Variants in GCNT2 observed in about 807,000 individuals in gnomAD.
GCNT2 encodes the protein glucosaminyl (N-acetyl) transferase 2 (I blood group).
GCNT2 carries 34 observed loss-of-function variants against 34.2 expected under a neutral mutation model. The observed-to-expected ratio is 1.00, with a 90% confidence interval of 0.76 to 1.32. GCNT2 has a LOEUF of 1.32. Among genes scored for constraint, GCNT2 ranks in the 40% most tolerant of loss-of-function variants. The probability of loss-of-function intolerance (pLI) is 0.00; values close to 1 mark genes in which losing one functional copy is unlikely to be tolerated. For synonymous variants in GCNT2, 212 were observed against 188.0 expected (o/e 1.13, Z -1.04); for missense variants, 584 against 489.4 (o/e 1.19, Z -1.82).
In GCNT2 at chr6:10,607,511, G is replaced by A. The variant is rs139074371; in HGVS notation, c.926-13840G>A. Among the ~76,000 whole-genome samples the A allele has an allele frequency of 6.6e-5, 10 of 152,090 alleles. 1 individual carries two copies. In the South Asian group the frequency reaches 8.3e-4, roughly 13 times the overall value. On this transcript the variant is annotated intron_variant, in intron 3 of 4. Coordinates refer to ENST00000495262, the MANE Select transcript of GCNT2 (RefSeq NM_145649.5). ...CTCCCACCCAGACCCCAGCTCCAAC[G>A]CTGAGGATTACAATTCAACATGAGA...
chr6:10,579,787 G>C (rs1483156990), intron 3 of GCNT2, among the ~76,000 whole-genome samples: 2 of 138,010 alleles, frequency 1.4e-5, no homozygotes, highest in African/African-American at 5.2e-5. Flanking sequence ...CTGCGCTCCA[G>C]CCTGGGCCAC....
intron 3 of GCNT2, among the ~76,000 whole-genome samples, chr6:10,542,809 C>G (rs1180530965): frequency 6.6e-6 from 1 of 150,882 alleles, no homozygotes; most frequent in Non-Finnish European, 1.5e-5. Context: ...TATGAACATT[C>G]CTGAACAAGT....
At chr6:10,564,699 T>C (rs1165815146) in intron 3 of GCNT2, among the ~76,000 whole-genome samples, 3 of 152,252 alleles carry the variant, frequency 2.0e-5, no homozygotes, top group African/African-American at 7.2e-5. Context: ...TGACTTCATC[T>C]GTAAAATGGG....
At chr6:10,613,007 T>C (rs1351572879) in intron 3 of GCNT2, among the ~76,000 whole-genome samples, 2 of 152,242 alleles carry the variant, frequency 1.3e-5, no homozygotes, top group Non-Finnish European at 2.9e-5. Context: ...CCTTTCAATA[T>C]ATTCTCATCA....
At chr6:10,563,110 A>G (rs1268484658) in intron 3 of GCNT2, among the ~76,000 whole-genome samples, 1 of 151,860 alleles carries the variant, frequency 6.6e-6, no homozygotes, top group Non-Finnish European at 1.5e-5. Context: ...AATTGAGATC[A>G]TGCCACTGAA....
chr6:10,558,964 T>G (rs1172713120), intron 3 of GCNT2, among the ~76,000 whole-genome samples: 1 of 152,218 alleles, frequency 6.6e-6, no homozygotes, highest in Non-Finnish European at 1.5e-5. Context: ...CCTTTCTATT[T>G]TCATTCTTTC....
chr6:10,539,793 C>G (rs1761955815), intron 3 of GCNT2, among the ~76,000 whole-genome samples: 1 of 152,210 alleles, frequency 6.6e-6, no homozygotes. Flanking sequence ...GGTTAGAAAT[C>G]AGGTATGTGA....
chr6:10,524,317 C>T (rs551356956), intron 1 of GCNT2, among the ~76,000 whole-genome samples: 1 of 148,810 alleles, frequency 6.7e-6, no homozygotes, highest in Admixed American at 6.8e-5. Context: ...ATGGCACGAT[C>T]TCGGCTCACC....
At chr6:10,546,904 C>G (rs1762298542) in intron 3 of GCNT2, among the ~76,000 whole-genome samples, 1 of 152,074 alleles carries the variant, frequency 6.6e-6, no homozygotes, top group African/African-American at 2.4e-5. Context: ...TGTTGGTAAT[C>G]TATGGCACAC....
At chr6:10,618,647 C>G (rs751580016) in intron 3 of GCNT2, among the ~76,000 whole-genome samples, 8 of 152,194 alleles carry the variant, frequency 5.3e-5, no homozygotes, top group Admixed American at 4.6e-4. Context: ...AAGCCAGATT[C>G]TCTCTTTGCT....
At chr6:10,584,241 A>C (rs1209466726) in intron 3 of GCNT2, among the ~76,000 whole-genome samples, 1 of 152,186 alleles carries the variant, frequency 6.6e-6, no homozygotes, top group Non-Finnish European at 1.5e-5. Context: ...AAATAAGTTT[A>C]AGGAAAAGTG....
chr6:10,556,268 G>A, intron 3 of GCNT2: 1 of 1,485,236 alleles, frequency 6.7e-7, no homozygotes, highest in South Asian at 1.4e-5. Flanking sequence ...ACAGCAGCTG[G>A]ACTCTCGGGA....
chr6:10,582,037 T>C (rs1189620769), intron 3 of GCNT2: 2 of 181,596 alleles, frequency 1.1e-5, no homozygotes, highest in Admixed American at 6.9e-5. Context: ...ATATGTATTA[T>C]ATGTATATAT....
intron 3 of GCNT2, chr6:10,586,563 G>A (rs1474662811): frequency 1.2e-6 from 2 of 1,614,034 alleles, no homozygotes; most frequent in Non-Finnish European, 1.7e-6. Context: ...CAACACCTGT[G>A]GACAAGACTT....
chr6:10,561,818 C>CT lies in GCNT2; in HGVS notation c.925+31993dup, dbSNP rs55714529. ...CTTTTTCCATTTTGTATACGTTTTCCTTTTTTTTTTTCAGGGCCCTTTTGT... is the reference window on the plus strand; with the variant it reads ...CTTTTTCCATTTTGTATACGTTTTCCTTTTTTTTTTTTCAGGGCCCTTTTGT... On this transcript the variant is annotated intron_variant, in intron 3 of 4. Transcript: ENST00000495262. Among the ~76,000 whole-genome samples, 585 of 145,118 alleles carry CT rather than the reference C, an allele frequency of 4.0e-3. 2 individuals carry two copies. Among genetic ancestry groups the CT allele is most frequent in the Middle Eastern group, 0.014 (4 of 284 alleles).
At chr6:10,538,696 A>C (rs988946209) in intron 3 of GCNT2, among the ~76,000 whole-genome samples, 1 of 151,876 alleles carries the variant, frequency 6.6e-6, no homozygotes, top group Admixed American at 6.6e-5. Flanking sequence ...CCCAATATGT[A>C]GTTTAATTGA....
In GCNT2 at chr6:10,590,362, C is replaced by T. The variant is rs145124363; in HGVS notation, c.926-30989C>T. 2.0e-3 allele frequency among the ~76,000 whole-genome samples: 293 copies of T among 150,118 alleles called. 7 individuals are homozygous for T. The East Asian group carries it at 0.047, about 24-fold the overall frequency. On this transcript the variant is annotated intron_variant, in intron 3 of 4. Coordinates refer to ENST00000495262, the MANE Select transcript of GCNT2 (RefSeq NM_145649.5). ...TGCAGTGAGCATGACTGCACCACTG[C>T]ACTCCAGCCTGGGTGACAGAGTGAG...
At chr6:10,531,031 ACT>A (rs770417421) in intron 3 of GCNT2, among the ~76,000 whole-genome samples, 11 of 143,538 alleles carry the variant, frequency 7.7e-5, no homozygotes, top group Non-Finnish European at 1.5e-4. Context: ...TCCAGCGGAG[ACT>A]CTGTCTCAAA....
Position 10,531,810 on chromosome 6 carries a change from C to T in GCNT2, c.925+1974C>T, listed in dbSNP as rs1003002480. Among the ~76,000 whole-genome samples the T allele has an allele frequency of 6.0e-5, 9 of 149,444 alleles. No homozygotes were observed. In the South Asian group the frequency reaches 1.5e-3, roughly 25 times the overall value. The stretch of plus-strand genomic sequence containing the variant: ...CTTCAGGTCTGGCCACCCTACTATA[C>T]GGGGAGACATTGACACAGCAGTTCC... On this transcript the variant is annotated intron_variant, in intron 3 of 4. Coordinates refer to ENST00000495262, the MANE Select transcript of GCNT2 (RefSeq NM_145649.5).
Sources: allele counts gnomAD v4.1 joint callset (sites outside exome capture counted in the v4.1 genomes callset), GRCh38; gene constraint gnomAD v4.1.1; transcripts MANE v1.5; gene names NCBI Gene and HGNC (gene_info 2026-07-23, HGNC 2026-07-21).